Variants in PIK3C2B observed in about 807,000 individuals in gnomAD.
The protein encoded by PIK3C2B is phosphatidylinositol 4-phosphate 3-kinase C2 domain-containing subunit beta.
Under a neutral mutation model 184.3 loss-of-function variants are expected in PIK3C2B, and 83 were observed. The ratio of observed to expected loss-of-function variants is 0.45; its 90% CI spans 0.38 to 0.54. The LOEUF (loss-of-function observed/expected upper bound fraction) is 0.54, where lower values mean the gene tolerates loss of function less well. PIK3C2B is among the 20% of genes least tolerant of loss of function. The probability of loss-of-function intolerance (pLI) is 0.00; values close to 1 mark genes in which losing one functional copy is unlikely to be tolerated. For synonymous variants in PIK3C2B, 779 were observed against 837.6 expected (o/e 0.93, Z 1.21); for missense variants, 1,736 against 2,113.5 (o/e 0.82, Z 3.50).
chr1:204,464,615 A>AG lies in PIK3C2B; in HGVS notation c.1035-12dup. 6.2e-7 allele frequency: 1 copy of AG among 1,612,142 alleles called. No homozygotes were observed. The highest frequency in any genetic ancestry group is 8.5e-7 in the Non-Finnish European group (1 of 1,179,302). ...GAGCCAGATCGAAGGCTGTACAGGA[A>AG]GAAAAAAAACCCTCACTGTGCCTTT... On this transcript the variant is annotated splice_polypyrimidine_tract_variant and intron_variant, in intron 3 of 32. Coordinates refer to ENST00000684373, the MANE Select transcript of PIK3C2B (RefSeq NM_001377334.1).
intron 1 of PIK3C2B, among the ~76,000 whole-genome samples, chr1:204,493,877 T>C (rs901289661): frequency 6.6e-6 from 1 of 152,138 alleles, no homozygotes; most frequent in Non-Finnish European, 1.5e-5. Context: ...GAGAATCCAA[T>C]TCTACCCTCC....
In PIK3C2B at chr1:204,425,100, G is replaced by A; in HGVS notation, c.4717-60C>T. On this transcript the variant is annotated intron_variant, in intron 32 of 32. Coordinates refer to ENST00000684373, the MANE Select transcript of PIK3C2B (RefSeq NM_001377334.1). ...GAGAAGGAACAAGAAGAATCCAGAGGGAACCCGAGAGGGAGATGGTAAAGT... is the reference window on the plus strand; with the variant it reads ...GAGAAGGAACAAGAAGAATCCAGAGAGAACCCGAGAGGGAGATGGTAAAGT... 2.8e-6 allele frequency: 4 copies of A among 1,428,414 alleles called. No homozygotes were observed. The Admixed American group carries it at 7.4e-5, about 27-fold the overall frequency. 88.5% of individuals were successfully genotyped at this position (1,428,414 alleles called of 1,614,324 possible). A position where few individuals can be genotyped will look rare whatever the true frequency, so the allele number is the denominator to read the frequency against.
chr1:204,469,906 A>G lies in PIK3C2B; in HGVS notation c.-84-20T>C. ...GGGCGCCTGCAGGTGAGGGGTAAAA[A>G]TATCAATCAGTCACAAAGAGAGATT... is the stretch of plus-strand genomic sequence containing the variant. On this transcript the variant is annotated intron_variant, in intron 1 of 32. Transcript: ENST00000684373. 4.4e-6 allele frequency: 3 copies of G among 677,770 alleles called. No individual in the cohort carries two copies. The highest frequency in any genetic ancestry group is 7.9e-6 in the Non-Finnish European group (3 of 382,038). The allele number at this position is 677,770 out of a possible 1,614,324, so 42.0% of individuals were successfully genotyped here. A position where few individuals can be genotyped will look rare whatever the true frequency, so the allele number is the denominator to read the frequency against.
Position 204,470,299 on chromosome 1 carries a change from C to G in PIK3C2B, c.-84-413G>C, listed in dbSNP as rs571646515. Reference sequence around the variant, plus strand: ...TCTCCTGCCTCAGCCTCCCTAGTAGCTGGGATTACAGGCGCCCACCACTGC... The same window carrying G: ...TCTCCTGCCTCAGCCTCCCTAGTAGGTGGGATTACAGGCGCCCACCACTGC... On this transcript the variant is annotated intron_variant, in intron 1 of 32. Coordinates refer to ENST00000684373, the MANE Select transcript of PIK3C2B (RefSeq NM_001377334.1). Among the ~76,000 whole-genome samples, 6 of 152,052 alleles carry G rather than the reference C, an allele frequency of 3.9e-5. No individual in the cohort carries two copies. The East Asian group carries it at 1.2e-3, about 29-fold the overall frequency.
intron 1 of PIK3C2B, among the ~76,000 whole-genome samples, chr1:204,493,524 AACACACACACACAC>A (rs3038310): frequency 4.9e-5 from 7 of 143,900 alleles, no homozygotes; most frequent in Non-Finnish European, 1.1e-4. Flanking sequence ...AATGGCAGAA[AACACACACACACAC>A]ACACACACAC....
intron 1 of PIK3C2B, among the ~76,000 whole-genome samples, chr1:204,478,475 T>C (rs1258537328): frequency 2.0e-5 from 3 of 152,206 alleles, no homozygotes; most frequent in Non-Finnish European, 4.4e-5. Flanking sequence ...CCTGCTTCCT[T>C]ATGGAAAACC....
In PIK3C2B at chr1:204,469,533, G is replaced by A. The variant is rs1427570767; in HGVS notation, c.270C>T (p.Thr90=). ...LLRGLSGSDP[T]LNYNSLSPQE... The stretch of plus-strand genomic sequence containing the variant: ...GTGGGGAGAGTGAGTTGTAGTTAAG[G>A]GTAGGATCAGAGCCAGAGAGACCGC... Residue 90 remains threonine, a synonymous_variant, in exon 2 of 33, where the codon ACC becomes ACT. Coordinates refer to ENST00000684373, the MANE Select transcript of PIK3C2B (RefSeq NM_001377334.1). The A allele has an allele frequency of 1.2e-6, 2 of 1,601,980 alleles. No individual in the cohort carries two copies. Among genetic ancestry groups the A allele is most frequent in the Non-Finnish European group, 1.7e-6 (2 of 1,174,148 alleles).
chr1:204,460,282 A>T, intron 7 of PIK3C2B, 42 bp downstream of exon 7: 1 of 1,469,206 alleles, frequency 6.8e-7, no homozygotes, highest in Non-Finnish European at 9.5e-7. Context: ...ATCCCTGCAC[A>T]GTTCTTGTTT....
chr1:204,479,729 G>C (rs1464983050), intron 1 of PIK3C2B, among the ~76,000 whole-genome samples: 3 of 152,206 alleles, frequency 2.0e-5, no homozygotes, highest in Non-Finnish European at 4.4e-5. Flanking sequence ...GCAAGGCCCA[G>C]ATTGTCACCA....
In PIK3C2B at chr1:204,449,254, T is replaced by G; in HGVS notation, c.2277A>C (p.Ala759=). Residue 759 remains alanine (A), a synonymous_variant, in exon 14 of 33, where the codon GCA becomes GCC. Coordinates refer to ENST00000684373, the MANE Select transcript of PIK3C2B (RefSeq NM_001377334.1). ...CGRKLLGLWP[A]TQENPSARWS... ...AACGGGCGCTGGGATTTTCCTGTGT[T>G]GCTGGCCACAAACCCAGAAGCTTCC... 1.2e-6 allele frequency: 2 copies of G among 1,613,054 alleles called. No individual in the cohort carries two copies. Among genetic ancestry groups the G allele is most frequent in the South Asian group, 1.1e-5 (1 of 90,548 alleles).
chr1:204,432,457 C>T, intron 26 of PIK3C2B, 56 bp from the exon 27 acceptor site: 10 of 1,390,718 alleles, frequency 7.2e-6, no homozygotes, highest in South Asian at 2.4e-5. Flanking sequence ...CCTGCTGCCT[C>T]GACAGGGGTG....
At position 204,488,354 on chromosome 1, in the gene PIK3C2B, C is replaced by G. The variant is rs147090062; in HGVS notation, c.-85+6002G>C. On this transcript the variant is annotated intron_variant, in intron 1 of 32. Transcript: ENST00000684373. ...TACCCTGTATAATCTATAGGATTAT[C>G]ATGAGAGTCCTTCTCAAACTTTCCT... 6.2e-3 allele frequency among the ~76,000 whole-genome samples: 950 copies of G among 152,334 alleles called. 11 individuals carry two copies. The highest frequency in any genetic ancestry group is 0.022 in the African/African-American group (910 of 41,574).
At chr1:204,481,025 A>T (rs1296086954) in intron 1 of PIK3C2B, among the ~76,000 whole-genome samples, 1 of 152,020 alleles carries the variant, frequency 6.6e-6, no homozygotes, top group Non-Finnish European at 1.5e-5. Flanking sequence ...AGCCATAGGG[A>T]TCACACAAAC....
At chr1:204,448,208 G>A (rs779284831) in intron 14 of PIK3C2B, among the ~76,000 whole-genome samples, 7 of 151,824 alleles carry the variant, frequency 4.6e-5, no homozygotes, top group Non-Finnish European at 7.4e-5. Flanking sequence ...CTGCCTCCCC[G>A]GTTCAAGTGG....
chr1:204,477,185 T>C (rs2999479), intron 1 of PIK3C2B, among the ~76,000 whole-genome samples: 121,924 of 152,158 alleles, frequency 0.8, 53,740 homozygotes, highest in Non-Finnish European at 0.98. Context: ...GTGACCGCAA[T>C]TGTCATCTGC....
At chr1:204,492,354 C>A (rs16853851) in intron 1 of PIK3C2B, among the ~76,000 whole-genome samples, 3,291 of 152,246 alleles carry the variant, frequency 0.022, 105 homozygotes, top group African/African-American at 0.074. Context: ...CACACCAAGA[C>A]ACTGTTTTCT....
intron 1 of PIK3C2B, among the ~76,000 whole-genome samples, chr1:204,479,532 T>C (rs1036002979): frequency 2.0e-5 from 3 of 152,122 alleles, no homozygotes; most frequent in African/African-American, 7.2e-5. Flanking sequence ...TAGGAAACCC[T>C]AAACGCTCTG....
intron 23 of PIK3C2B, among the ~76,000 whole-genome samples, chr1:204,436,664 ATTT>A (rs969937380): frequency 7.9e-5 from 12 of 152,296 alleles, no homozygotes; most frequent in African/African-American, 2.4e-4. Context: ...CTGTACATTT[ATTT>A]TTATTATATT....
chr1:204,485,503 G>C (rs1657511728), intron 1 of PIK3C2B, among the ~76,000 whole-genome samples: 1 of 151,544 alleles, frequency 6.6e-6, no homozygotes, highest in African/African-American at 2.4e-5. Context: ...TCTCCTTGCT[G>C]ACCCCCTAAA....
Sources: allele counts gnomAD v4.1 joint callset (sites outside exome capture counted in the v4.1 genomes callset), GRCh38; gene constraint gnomAD v4.1.1; transcripts MANE v1.5; gene names NCBI Gene and HGNC (gene_info 2026-07-23, HGNC 2026-07-21).